The following PWWP2B variants were observed in gnomAD, a reference collection of about 807,000 sequenced individuals.
PWWP2B encodes PWWP domain-containing protein 2B.
A neutral mutation model predicts 15.5 loss-of-function variants in PWWP2B; 9 were observed. The observed-to-expected ratio is 0.58, with a 90% CI of 0.35 to 1.02. The LOEUF (loss-of-function observed/expected upper bound fraction) is 1.02, where lower values mean the gene tolerates loss of function less well. Ranked by LOEUF, PWWP2B falls within the 50% of genes least tolerant of loss-of-function variation. The pLI, the probability that PWWP2B is intolerant of heterozygous loss-of-function variation, is 0.02. For missense variants in PWWP2B, 864 were observed against 865.3 expected, an observed-to-expected ratio of 1.00 and a Z score of 0.02; for synonymous variants, 474 against 403.6, an observed-to-expected ratio of 1.17 and a Z score of -2.09.
In PWWP2B at chr10:132,417,212, G is replaced by C; in HGVS notation, c.*168G>C. The C allele has an allele frequency of 1.0e-6, 1 of 981,410 alleles. No homozygotes were observed. Among genetic ancestry groups the C allele is most frequent in the African/African-American group, 1.6e-5 (1 of 62,866 alleles). The allele number at this position is 981,410 out of a possible 1,614,324, so 60.8% of individuals were successfully genotyped here. A position where few individuals can be genotyped will look rare whatever the true frequency, so the allele number is the denominator to read the frequency against. ...CCCGGGGACCGGCAGTGTGTCCAGG[G>C]AGGGGATGGCCCTGAGCCCAGCGGC... On this transcript the variant is annotated 3_prime_UTR_variant, in exon 3 of 3. Coordinates refer to ENST00000305233, the MANE Select transcript of PWWP2B (RefSeq NM_138499.4).
rs1271171583 is a variant in PWWP2B, at chr10:132,405,913, G to C, written c.1413G>C (p.Arg471Ser). Residue 471 changes from arginine (R) to serine (S), a missense_variant, in exon 2 of 3, where the codon AGG becomes AGC. Transcript: ENST00000305233. The part of the protein sequence containing the change: ...ARQTVPPLTV[R>S]LHTQSVSECI... ...AAACGGTGCCGCCCCTGACGGTCAG[G>C]CTGCACACACAGAGCGTGTCGGAGT... 2 of 1,612,658 alleles carry C rather than the reference G, an allele frequency of 1.2e-6. No homozygotes were observed. Among genetic ancestry groups the C allele is most frequent in the Non-Finnish European group, 1.7e-6 (2 of 1,179,648 alleles).
chr10:132,404,648 C>G lies in PWWP2B; in HGVS notation c.148C>G (p.Pro50Ala). 1.2e-6 allele frequency: 2 copies of G among 1,612,952 alleles called. No homozygotes were observed. Among genetic ancestry groups the G allele is most frequent in the South Asian group, 2.2e-5 (2 of 91,082 alleles). ...CAGGTCCGGCCTCTTTGGCCTACCC[C>G]CGTTGGCTCCGCTGCCCCAGGTCGA... ...TKKSGLFGLPPLAPLPQVDES... is the reference protein window; with the variant it reads ...TKKSGLFGLPALAPLPQVDES... The change falls in exon 2 of 3, where the codon CCG becomes GCG. Residue 50 changes from proline (P) to alanine (A), a missense_variant. This residue lies in a region of PWWP2B where 736 missense variants were observed against 687.7 expected (regional missense o/e 1.07). Transcript: ENST00000305233.
At chr10:132,410,900 C>T (rs577565041) in intron 2 of PWWP2B, among the ~76,000 whole-genome samples, 29 of 152,324 alleles carry the variant, frequency 1.9e-4, no homozygotes, top group Admixed American at 1.9e-3. Flanking sequence ...CCTCCTGTGG[C>T]CCCAGGGGCC....
rs200383304 is a variant in PWWP2B at position 132,405,634 on chromosome 10, G to A, written c.1134G>A (p.Ala378=). The change falls in exon 2 of 3, where the codon GCG becomes GCA. Residue 378 remains alanine (A), a synonymous_variant. Transcript: ENST00000305233. ...PCADGPAGGL[A]DLSSGSSGED... is the part of the protein sequence containing the mutation. Reference sequence around the variant, plus strand: ...CGGACGGCCCTGCCGGTGGGCTGGCGGACTTGTCTTCTGGAAGTTCGGGTG... The same window carrying A: ...CGGACGGCCCTGCCGGTGGGCTGGCAGACTTGTCTTCTGGAAGTTCGGGTG... 1.9e-5 allele frequency: 31 copies of A among 1,612,344 alleles called. 1 individual carries two copies. The highest frequency in any genetic ancestry group is 1.6e-4 in the Middle Eastern group (1 of 6,062).
At chr10:132,400,832 C>A (rs1176221181) in intron 1 of PWWP2B, among the ~76,000 whole-genome samples, 1 of 152,234 alleles carries the variant, frequency 6.6e-6, no homozygotes, top group Non-Finnish European at 1.5e-5. Context: ...AACAGGGTGT[C>A]CTTTCCTGAT....
At chr10:132,400,764 C>T (rs566865247) in intron 1 of PWWP2B, among the ~76,000 whole-genome samples, 57 of 152,356 alleles carry the variant, frequency 3.7e-4, no homozygotes, top group African/African-American at 1.3e-3. Context: ...TCCTGCGCTG[C>T]GCTGAGGCTG....
Position 132,417,803 on chromosome 10 carries a change from T to C in PWWP2B, c.*759T>C, listed in dbSNP as rs2069882661. On this transcript the variant is annotated 3_prime_UTR_variant, in exon 3 of 3. Transcript: ENST00000305233. ...CTCTGTTTTGTAAGAGCGTGTTCCT[T>C]TTCCTCTTTTTTGTCACTTTAAAGA... The C allele has an allele frequency of 6.6e-6, 1 of 152,282 alleles. No individual in the cohort carries two copies. The highest frequency in any genetic ancestry group is 2.1e-4 in the South Asian group (1 of 4,840). The allele number at this position is 152,282 out of a possible 1,614,324, so 9.4% of individuals were successfully genotyped here.
At position 132,404,768 on chromosome 10, in the gene PWWP2B, G is replaced by C; in HGVS notation, c.268G>C (p.Gly90Arg). 6.4e-7 allele frequency: 1 copy of C among 1,569,524 alleles called. No homozygotes were observed. Among genetic ancestry groups the C allele is most frequent in the South Asian group, 1.1e-5 (1 of 88,792 alleles). Reference sequence around the variant, plus strand: ...GTCCAGCTCCCCCCCTCCTGCCCGCGGGGTTCAGCCCCCCGAGACCACCCG... The same window carrying C: ...GTCCAGCTCCCCCCCTCCTGCCCGCCGGGTTCAGCCCCCCGAGACCACCCG... ...LGSSSPPPAR[G>R]VQPPETTRPE... Residue 90 changes from glycine to arginine, a missense_variant, in exon 2 of 3, where the codon GGG becomes CGG. Coordinates refer to ENST00000305233, the MANE Select transcript of PWWP2B (RefSeq NM_138499.4).
chr10:132,397,521 G>C (rs112869178), intron 1 of PWWP2B, among the ~76,000 whole-genome samples, 170 bp downstream of exon 1: 7,368 of 151,448 alleles, frequency 0.049, 270 homozygotes, highest in Middle Eastern at 0.11. Context: ...CCGCCACTCG[G>C]GGGGGCAAAA....
intron 1 of PWWP2B, among the ~76,000 whole-genome samples, chr10:132,403,138 C>T (rs371512004): frequency 1.2e-4 from 19 of 152,360 alleles, no homozygotes; most frequent in Non-Finnish European, 2.2e-4. Flanking sequence ...GTTGCTAGCC[C>T]GTGGCTGCAG....
At chr10:132,416,736 G>T (rs2069862111) in intron 2 of PWWP2B, among the ~76,000 whole-genome samples, 1 of 152,120 alleles carries the variant, frequency 6.6e-6, no homozygotes, top group South Asian at 2.1e-4. Flanking sequence ...GCCCGGCACA[G>T]GCATGGTCGT....
chr10:132,401,201 G>A (rs1250672499), intron 1 of PWWP2B, among the ~76,000 whole-genome samples: 1 of 152,234 alleles, frequency 6.6e-6, no homozygotes, highest in East Asian at 1.9e-4. Flanking sequence ...TGTGCCATTG[G>A]GAGTGGCACT....
At chr10:132,407,047 C>A (rs1247497114) in intron 2 of PWWP2B, among the ~76,000 whole-genome samples, 1 of 152,152 alleles carries the variant, frequency 6.6e-6, no homozygotes, top group Non-Finnish European at 1.5e-5. Flanking sequence ...CTGGGGGGCA[C>A]TACGCTGTGT....
chr10:132,414,825 C>T (rs1372380934), intron 2 of PWWP2B, among the ~76,000 whole-genome samples: 2 of 152,308 alleles, frequency 1.3e-5, no homozygotes, highest in East Asian at 1.9e-4. Flanking sequence ...AGTGAAGCCT[C>T]GTGGTGTGGA....
rs1333847129 is a variant in PWWP2B, at chr10:132,417,191, G to A, written c.*147G>A. 2 of 1,203,104 alleles carry A rather than the reference G, an allele frequency of 1.7e-6. No homozygotes were observed. The highest frequency in any genetic ancestry group is 1.5e-5 in the African/African-American group (1 of 66,924). The allele number at this position is 1,203,104 out of a possible 1,614,324, so 74.5% of individuals were successfully genotyped here. A position where few individuals can be genotyped will look rare whatever the true frequency, so the allele number is the denominator to read the frequency against. ...GGTCGGCCTGGTGTGAGGCCCCCCG[G>A]GGACCGGCAGTGTGTCCAGGGAGGG... is the stretch of plus-strand genomic sequence containing the variant. On this transcript the variant is annotated 3_prime_UTR_variant, in exon 3 of 3. Transcript: ENST00000305233.
At chr10:132,417,020 A>G in intron 2 of PWWP2B, 41 bp from the exon 3 acceptor site, 1 of 1,612,478 alleles carries the variant, frequency 6.2e-7, no homozygotes, top group South Asian at 1.1e-5. Flanking sequence ...CCCATACTCG[A>G]CCCTGAGTTA....
chr10:132,404,870 G>A lies in PWWP2B; in HGVS notation c.370G>A (p.Ala124Thr), dbSNP rs1490006869. ...LPPYPPYFEG[A>T]PFPHPLWLRD... ...CCCGTACCCTCCCTACTTCGAAGGC[G>A]CCCCCTTCCCTCACCCGCTGTGGCT... Residue 124 changes from alanine (A) to threonine (T), a missense_variant, in exon 2 of 3, where the codon GCC becomes ACC. Coordinates refer to ENST00000305233, the MANE Select transcript of PWWP2B (RefSeq NM_138499.4). 6.9e-6 allele frequency: 11 copies of A among 1,590,358 alleles called. No homozygotes were observed. The highest frequency in any genetic ancestry group is 1.1e-5 in the South Asian group (1 of 90,656).
At chr10:132,401,058 G>A (rs1287475653) in intron 1 of PWWP2B, among the ~76,000 whole-genome samples, 1 of 152,228 alleles carries the variant, frequency 6.6e-6, no homozygotes, top group African/African-American at 2.4e-5. Context: ...GGCCTTTCTG[G>A]GAGTTTGGCT....
At chr10:132,402,957 C>T (rs541153189) in intron 1 of PWWP2B, among the ~76,000 whole-genome samples, 3 of 152,350 alleles carry the variant, frequency 2.0e-5, no homozygotes, top group Admixed American at 6.5e-5. Context: ...TCGGTCCTGG[C>T]GCCAGCACCT....
Sources: gnomAD v4.1 joint callset for allele counts (sites outside exome capture counted in the v4.1 genomes callset) on GRCh38, gnomAD v4.1.1 for gene constraint, gnomAD v4.1.1 regional missense constraint, MANE v1.5 for transcripts, NCBI Gene and HGNC (gene_info 2026-07-23, HGNC 2026-07-21) for gene names.